Variants in COLEC12 observed in about 807,000 individuals in gnomAD.
COLEC12 encodes collectin subfamily member 12.
COLEC12 carries 33 observed loss-of-function variants against 71.1 expected under a neutral mutation model. The observed-to-expected ratio is 0.46, with a 90% CI of 0.35 to 0.62. The LOEUF (loss-of-function observed/expected upper bound fraction) is 0.62, where lower values mean the gene tolerates loss of function less well. Ranked by LOEUF, COLEC12 falls within the 20% of genes least tolerant of loss-of-function variation. The pLI is 0.00. For synonymous variants in COLEC12, 350 were observed against 353.0 expected, an observed-to-expected ratio of 0.99 and a Z score of 0.10; for missense variants, 765 against 916.1, an observed-to-expected ratio of 0.84 and a Z score of 2.13.
Position 420,692 on chromosome 18 carries a change from T to G in COLEC12, c.58+60015A>C, listed in dbSNP as rs1179653486. 2.6e-5 allele frequency among the ~76,000 whole-genome samples: 4 copies of G among 152,222 alleles called. No individual in the cohort carries two copies. In the East Asian group the frequency reaches 7.7e-4, roughly 29 times the overall value. ...AGGTGACTGAGAAAGATTCGAATGT[T>G]AAACTCATTTGTTTGTGTATATTTC... is the stretch of plus-strand genomic sequence containing the variant. On this transcript the variant is annotated intron_variant, in intron 2 of 9. Transcript: ENST00000400256.
intron 7 of COLEC12, among the ~76,000 whole-genome samples, chr18:332,041 A>G (rs964034747): frequency 1.3e-5 from 2 of 152,210 alleles, no homozygotes; most frequent in African/African-American, 4.8e-5. Flanking sequence ...AACCCAGTGA[A>G]TGTCCATTGG....
intron 2 of COLEC12, among the ~76,000 whole-genome samples, chr18:417,913 T>C (rs1916020415): frequency 6.6e-6 from 1 of 152,158 alleles, no homozygotes; most frequent in African/African-American, 2.4e-5. Flanking sequence ...TCTAACCACT[T>C]TGGGCGATTC....
At position 387,249 on chromosome 18, in the gene COLEC12, C is replaced by CT. The variant is rs144381765; in HGVS notation, c.59-29728dup. ...TCCAAGAGGGATAAAGAATGTTCTG[C>CT]TTTTTTTTAAAGTGTCTTTTGCATC... On this transcript the variant is annotated intron_variant, in intron 2 of 9. Transcript: ENST00000400256. 1.1e-4 allele frequency among the ~76,000 whole-genome samples: 16 copies of CT among 152,110 alleles called. No homozygotes were observed. The South Asian group carries it at 3.1e-3, about 30-fold the overall frequency.
At chr18:438,508 G>A (rs939183474) in intron 2 of COLEC12, among the ~76,000 whole-genome samples, 1 of 152,112 alleles carries the variant, frequency 6.6e-6, no homozygotes. Flanking sequence ...GAGATACAAT[G>A]GAAGATCAAA....
chr18:377,827 C>T (rs1486604778), intron 2 of COLEC12, among the ~76,000 whole-genome samples: 3 of 151,264 alleles, frequency 2.0e-5, no homozygotes, highest in Non-Finnish European at 4.4e-5. Flanking sequence ...ACACCACCAG[C>T]TGGGTGCTTA....
At chr18:467,985 C>T (rs1307534721) in intron 2 of COLEC12, among the ~76,000 whole-genome samples, 1 of 152,018 alleles carries the variant, frequency 6.6e-6, no homozygotes, top group South Asian at 2.1e-4. Flanking sequence ...AAAATCAGGC[C>T]GGGCGCAGTG....
intron 4 of COLEC12, 115 bp from the exon 5 acceptor site, chr18:347,456 C>T (rs1914411009): frequency 1.2e-6 from 1 of 839,780 alleles, no homozygotes; most frequent in Non-Finnish European, 1.9e-6. Context: ...GCAAAATTGG[C>T]AGTATAAGCG....
intron 2 of COLEC12, among the ~76,000 whole-genome samples, chr18:459,358 T>A (rs1916933729): frequency 6.6e-6 from 1 of 152,222 alleles, no homozygotes; most frequent in Non-Finnish European, 1.5e-5. Flanking sequence ...ATTTGCTGTG[T>A]CTTCTTTGGA....
intron 2 of COLEC12, among the ~76,000 whole-genome samples, chr18:405,445 G>A (rs924151266): frequency 2.6e-5 from 4 of 152,084 alleles, no homozygotes; most frequent in Admixed American, 6.5e-5. Flanking sequence ...AGACTCAGGC[G>A]GGCATCACAA....
At chr18:415,492 T>G (rs1915969231) in intron 2 of COLEC12, among the ~76,000 whole-genome samples, 1 of 152,186 alleles carries the variant, frequency 6.6e-6, no homozygotes, top group Admixed American at 6.5e-5. Flanking sequence ...AGAGCTTCTC[T>G]GCACCATCAC....
chr18:445,237 C>A (rs1916623194), intron 2 of COLEC12, among the ~76,000 whole-genome samples: 1 of 152,164 alleles, frequency 6.6e-6, no homozygotes, highest in Non-Finnish European at 1.5e-5. Context: ...CCAGCAGATT[C>A]CATTTAGTGT....
intron 2 of COLEC12, among the ~76,000 whole-genome samples, chr18:407,968 G>C (rs1357881287): frequency 6.6e-6 from 1 of 152,212 alleles, no homozygotes; most frequent in Non-Finnish European, 1.5e-5. Context: ...TGGATATATA[G>C]TCAGAATTGC....
intron 2 of COLEC12, among the ~76,000 whole-genome samples, chr18:443,578 T>C (rs1567909639): frequency 6.6e-6 from 1 of 152,238 alleles, no homozygotes; most frequent in Non-Finnish European, 1.5e-5. Context: ...TTTAGATATG[T>C]GCCTGCATCC....
At chr18:458,116 GAGAAAAACGTTC>G (rs1197612142) in intron 2 of COLEC12, among the ~76,000 whole-genome samples, 1 of 152,140 alleles carries the variant, frequency 6.6e-6, no homozygotes, top group Non-Finnish European at 1.5e-5. Flanking sequence ...GTTGGAAAAA[GAGAAAAACGTTC>G]AGCTCACTTG....
chr18:401,660 A>G (rs4798136), intron 2 of COLEC12, among the ~76,000 whole-genome samples: 15,202 of 152,286 alleles, frequency 0.1, 810 homozygotes, highest in Admixed American at 0.14. Context: ...TGGTATCCCA[A>G]CGTTTTTGCT....
At chr18:412,943 G>T (rs2143638912) in intron 2 of COLEC12, among the ~76,000 whole-genome samples, 1 of 152,270 alleles carries the variant, frequency 6.6e-6, no homozygotes, top group East Asian at 1.9e-4. Flanking sequence ...AAATAAAAGA[G>T]CAGACCTAAG....
chr18:401,596 G>A (rs748628866), intron 2 of COLEC12, among the ~76,000 whole-genome samples: 4 of 152,234 alleles, frequency 2.6e-5, no homozygotes, highest in Admixed American at 6.5e-5. Context: ...TAGAAGCGTT[G>A]AGGTGTAACA....
chr18:433,241 G>A (rs574654315), intron 2 of COLEC12, among the ~76,000 whole-genome samples: 1 of 152,026 alleles, frequency 6.6e-6, no homozygotes, highest in Non-Finnish European at 1.5e-5. Flanking sequence ...TTTTTCCTAT[G>A]AGGGAAAAAA....
intron 2 of COLEC12, among the ~76,000 whole-genome samples, chr18:368,462 T>C (rs1363068335): frequency 6.6e-6 from 1 of 152,122 alleles, no homozygotes; most frequent in African/African-American, 2.4e-5. Flanking sequence ...TAGTCCCAGC[T>C]ACTTGGGTGG....
Sources: gnomAD v4.1 joint callset for allele counts (sites outside exome capture counted in the v4.1 genomes callset) on GRCh38, gnomAD v4.1.1 for gene constraint, MANE v1.5 for transcripts, NCBI Gene and HGNC (gene_info 2026-07-23, HGNC 2026-07-21) for gene names.